FTO: variants seen among roughly 807,000 people sequenced by gnomAD.
The protein encoded by FTO is alpha-ketoglutarate-dependent dioxygenase FTO.
A neutral mutation model predicts 63.9 loss-of-function variants in FTO; 47 were observed. The ratio of observed to expected loss-of-function variants is 0.74; its 90% confidence interval spans 0.58 to 0.94. The LOEUF is 0.94. Ranked by LOEUF, FTO falls within the 40% of genes least tolerant of loss-of-function variation. The pLI, the probability that FTO is intolerant of heterozygous loss-of-function variation, is 0.00. For synonymous variants in FTO, 207 were observed against 224.4 expected, an observed-to-expected ratio of 0.92 and a Z score of 0.69; for missense variants, 562 against 618.1, an observed-to-expected ratio of 0.91 and a Z score of 0.96.
chr16:53,925,911 A>G (rs2082126824), intron 7 of FTO, among the ~76,000 whole-genome samples: 1 of 152,174 alleles, frequency 6.6e-6, no homozygotes, highest in African/African-American at 2.4e-5. Flanking sequence ...AAGGCTCCTT[A>G]GAGTTCTTGG....
chr16:53,901,879 G>A (rs926351009), intron 7 of FTO, among the ~76,000 whole-genome samples: 1 of 152,246 alleles, frequency 6.6e-6, no homozygotes, highest in African/African-American at 2.4e-5. Flanking sequence ...CTGAAAGATT[G>A]CCTTTACTTT....
At chr16:53,880,178 G>A (rs1283075343) in intron 6 of FTO, among the ~76,000 whole-genome samples, 191 bp downstream of exon 6, 1 of 151,982 alleles carries the variant, frequency 6.6e-6, no homozygotes, top group Non-Finnish European at 1.5e-5. Context: ...GATATTTTTA[G>A]TAGAGACGAG....
At position 53,961,253 on chromosome 16, in the gene FTO, A is replaced by G. The variant is rs138444774; in HGVS notation, c.1364+27144A>G. On this transcript the variant is annotated intron_variant, in intron 8 of 8. Transcript: ENST00000471389. ...GCCCCCAGATAGAGTTATAGCGAGC[A>G]GACCAATTAAACTGTCGCAGGCTGC... Among the ~76,000 whole-genome samples the G allele has an allele frequency of 6.6e-5, 10 of 152,210 alleles. No homozygotes were observed. In the East Asian group the frequency reaches 1.9e-3, roughly 29 times the overall value.
intron 8 of FTO, among the ~76,000 whole-genome samples, chr16:54,098,544 AC>A (rs2086563621): frequency 6.6e-6 from 1 of 152,214 alleles, no homozygotes; most frequent in African/African-American, 2.4e-5. Flanking sequence ...CAAAGTCAGA[AC>A]AGCTGGCCTT....
chr16:54,003,260 T>G (rs1255879572), intron 8 of FTO, among the ~76,000 whole-genome samples: 2 of 152,216 alleles, frequency 1.3e-5, no homozygotes, highest in Non-Finnish European at 2.9e-5. Flanking sequence ...GAAGGCCTCC[T>G]CCAGGAGCTG....
intron 3 of FTO, among the ~76,000 whole-genome samples, chr16:53,838,845 G>A (rs1055527508): frequency 6.6e-6 from 1 of 151,978 alleles, no homozygotes; most frequent in Admixed American, 6.6e-5. Context: ...GTCTCAAAAA[G>A]AAAGAAAGAG....
intron 1 of FTO, among the ~76,000 whole-genome samples, chr16:53,798,324 T>C (rs1274444785): frequency 6.6e-6 from 1 of 152,156 alleles, no homozygotes; most frequent in Non-Finnish European, 1.5e-5. Flanking sequence ...AAATAGAATG[T>C]CAATTTTTAC....
In FTO at chr16:53,854,532, A is replaced by G. The variant is rs186589975; in HGVS notation, c.895+10234A>G. ...ACATGTGGCTATCCAATGTTCCCGC[A>G]CTGTTTTGAATAGGGTGTCCCTTTT... On this transcript the variant is annotated intron_variant, in intron 4 of 8. Transcript: ENST00000471389. Among the ~76,000 whole-genome samples the G allele has an allele frequency of 3.2e-3, 488 of 152,206 alleles. 3 individuals are homozygous for G. Among genetic ancestry groups the G allele is most frequent in the African/African-American group, 0.011 (457 of 41,564 alleles).
At chr16:53,997,320 A>G (rs1194597908) in intron 8 of FTO, among the ~76,000 whole-genome samples, 1 of 152,036 alleles carries the variant, frequency 6.6e-6, no homozygotes, top group Non-Finnish European at 1.5e-5. Context: ...ATTATCTACC[A>G]CTGAGTCCCT....
chr16:53,979,564 TGTGC>T (rs772774769), intron 8 of FTO: 28 of 352,288 alleles, frequency 7.9e-5, no homozygotes, highest in East Asian at 1.3e-4. Context: ...TGTGTGTGTG[TGTGC>T]GCGCGTGTGT....
chr16:53,827,809 A>G (rs1252387294), intron 3 of FTO, among the ~76,000 whole-genome samples: 1 of 152,214 alleles, frequency 6.6e-6, no homozygotes, highest in Non-Finnish European at 1.5e-5. Context: ...CTGATCTTTA[A>G]TAAGGACTTG....
At chr16:53,930,725 G>A (rs530542879) in intron 7 of FTO, among the ~76,000 whole-genome samples, 3 of 152,260 alleles carry the variant, frequency 2.0e-5, no homozygotes, top group African/African-American at 7.2e-5. Flanking sequence ...ATGAGGATGT[G>A]CTAGAATAAC....
At chr16:53,845,137 A>C (rs2079585175) in intron 4 of FTO, among the ~76,000 whole-genome samples, 1 of 152,072 alleles carries the variant, frequency 6.6e-6, no homozygotes, top group South Asian at 2.1e-4. Flanking sequence ...CTAATGCGCA[A>C]TGTGTAAACA....
At chr16:53,904,750 T>A (rs1353602875) in intron 7 of FTO, among the ~76,000 whole-genome samples, 1 of 152,152 alleles carries the variant, frequency 6.6e-6, no homozygotes, top group Non-Finnish European at 1.5e-5. Context: ...TCTGTTCAGG[T>A]CTGAGTTTCA....
At chr16:54,002,437 C>G (rs1033830759) in intron 8 of FTO, among the ~76,000 whole-genome samples, 1 of 152,196 alleles carries the variant, frequency 6.6e-6, no homozygotes, top group Non-Finnish European at 1.5e-5. Context: ...GCTTATTGTA[C>G]GAGGTAACTC....
At chr16:53,833,561 C>CT (rs1479606548) in intron 3 of FTO, among the ~76,000 whole-genome samples, 1 of 152,086 alleles carries the variant, frequency 6.6e-6, no homozygotes, top group Non-Finnish European at 1.5e-5. Flanking sequence ...TGTGTGTATA[C>CT]TTTTTTTGTG....
chr16:53,838,997 G>C (rs767346183), intron 3 of FTO, among the ~76,000 whole-genome samples: 4 of 152,090 alleles, frequency 2.6e-5, no homozygotes, highest in African/African-American at 4.8e-5. Flanking sequence ...AATCTCTACT[G>C]TCATACTCTG....
intron 8 of FTO, among the ~76,000 whole-genome samples, chr16:54,030,190 C>A (rs1389550480): frequency 6.6e-6 from 1 of 152,126 alleles, no homozygotes; most frequent in Non-Finnish European, 1.5e-5. Flanking sequence ...ACAGGACCAC[C>A]TTGTTCATAT....
At chr16:53,914,242 C>CT (rs2081799133) in intron 7 of FTO, among the ~76,000 whole-genome samples, 1 of 150,398 alleles carries the variant, frequency 6.6e-6, no homozygotes, top group African/African-American at 2.5e-5. Flanking sequence ...AGAAATACTT[C>CT]TTCTTTCTTT....
Sources: gnomAD v4.1 joint callset for allele counts (sites outside exome capture counted in the v4.1 genomes callset) on GRCh38, gnomAD v4.1.1 for gene constraint, MANE v1.5 for transcripts, NCBI Gene and HGNC (gene_info 2026-07-23, HGNC 2026-07-21) for gene names.